Variants in METTL15 observed in about 807,000 individuals in gnomAD.
METTL15 encodes 12S rRNA N(4)-cytidine methyltransferase METTL15.
Under a neutral mutation model 38.3 loss-of-function variants are expected in METTL15, and 34 were observed. The ratio of observed to expected loss-of-function variants is 0.89; its 90% CI spans 0.68 to 1.18. The LOEUF is 1.18. METTL15 is among the 50% of genes most tolerant of loss of function. The probability of loss-of-function intolerance (pLI) is 0.00; values close to 1 mark genes in which losing one functional copy is unlikely to be tolerated. For synonymous variants in METTL15, 162 were observed against 170.9 expected (o/e 0.95, Z 0.41); for missense variants, 438 against 498.4 (o/e 0.88, Z 1.15).
At chr11:28,403,904 T>A (rs1410793674) in intron 5 of METTL15, among the ~76,000 whole-genome samples, 3 of 152,074 alleles carry the variant, frequency 2.0e-5, no homozygotes, top group Non-Finnish European at 4.4e-5. Context: ...TAGCTTCTTA[T>A]TCTTTTTTTA....
intron 3 of METTL15, among the ~76,000 whole-genome samples, chr11:28,122,371 G>GTATATA (rs371299481): frequency 1.3e-5 from 1 of 77,652 alleles, no homozygotes; most frequent in Non-Finnish European, 2.4e-5. Context: ...GTGTGTGTGT[G>GTATATA]TATATATATA....
intron 5 of METTL15, among the ~76,000 whole-genome samples, chr11:28,377,116 G>A (rs952662061): frequency 7.0e-6 from 1 of 143,318 alleles, no homozygotes; most frequent in Non-Finnish European, 1.5e-5. Flanking sequence ...TTCAACTTTG[G>A]TGAATCTGAC....
intron 6 of METTL15, among the ~76,000 whole-genome samples, chr11:28,471,973 A>G (rs1416537000): frequency 6.6e-6 from 1 of 152,162 alleles, no homozygotes; most frequent in African/African-American, 2.4e-5. Context: ...CAGGAGAGGC[A>G]GATCAAATCT....
rs1487617251 is a variant in METTL15, at chr11:28,330,619, T to A, written c.1002T>A (p.Leu334=). Residue 334 remains leucine (L), a synonymous_variant, in exon 7 of 7, where the codon CTT becomes CTA. Transcript: ENST00000407364. ...ATCGCATCGTCAAAAGATTTTTGCT[T>A]GGAATAAGCATGACAGAAAGATTTA... ...LEDRIVKRFL[L]GISMTERFNL... is the part of the protein sequence containing the mutation. The A allele has an allele frequency of 6.4e-7, 1 of 1,551,436 alleles. No individual in the cohort carries two copies.
rs546113018 is a variant in METTL15, at chr11:28,224,490, C to T, written c.407+13292C>T. Among the ~76,000 whole-genome samples the T allele has an allele frequency of 4.1e-4, 62 of 151,906 alleles. 1 individual carries two copies. In the South Asian group the frequency reaches 6.6e-3, roughly 16 times the overall value. On this transcript the variant is annotated intron_variant, in intron 4 of 6. Transcript: ENST00000407364. ...AAATAATTCATAGAACTAACACCAA[C>T]GTAAACAGGTTGGAATATTTCCTTC...
chr11:28,506,194 TC>T (rs1851626203), intron 6 of METTL15, among the ~76,000 whole-genome samples: 1 of 152,226 alleles, frequency 6.6e-6, no homozygotes, highest in African/African-American at 2.4e-5. Flanking sequence ...AGGGTCTCTC[TC>T]CCTGGGAGGC....
chr11:28,232,376 G>T (rs972657989), intron 4 of METTL15, among the ~76,000 whole-genome samples: 2 of 151,694 alleles, frequency 1.3e-5, no homozygotes, highest in African/African-American at 2.4e-5. Flanking sequence ...AAGATGCTTA[G>T]ATACTCTATA....
intron 6 of METTL15, among the ~76,000 whole-genome samples, chr11:28,505,016 G>C (rs987691354): frequency 6.6e-6 from 1 of 152,134 alleles, no homozygotes; most frequent in Non-Finnish European, 1.5e-5. Flanking sequence ...CTGAACAACT[G>C]GTAGGGCCAT....
chr11:28,405,661 A>G (rs1167312794), intron 5 of METTL15, among the ~76,000 whole-genome samples: 4 of 152,176 alleles, frequency 2.6e-5, no homozygotes, highest in East Asian at 3.9e-4. Flanking sequence ...CTCTAAAATC[A>G]CTATACCTCA....
intron 4 of METTL15, among the ~76,000 whole-genome samples, chr11:28,233,255 T>C (rs1471900277): frequency 2.0e-5 from 3 of 152,050 alleles, no homozygotes; most frequent in Non-Finnish European, 4.4e-5. Flanking sequence ...ATAACATAGA[T>C]AATAATTAAA....
intron 6 of METTL15, among the ~76,000 whole-genome samples, chr11:28,305,008 T>C (rs1008773828): frequency 4.6e-5 from 7 of 152,224 alleles, no homozygotes; most frequent in Non-Finnish European, 2.9e-5. Flanking sequence ...TCATTGCCAC[T>C]GCTATGAAAA....
intron 3 of METTL15, among the ~76,000 whole-genome samples, chr11:28,179,068 C>T (rs1440424311): frequency 1.3e-5 from 2 of 151,688 alleles, no homozygotes; most frequent in African/African-American, 4.8e-5. Context: ...TTTCCCCTCT[C>T]TGATTTAAAT....
At chr11:28,361,217 TC>T (rs575981446) in intron 4 of METTL15, among the ~76,000 whole-genome samples, 3,819 of 149,354 alleles carry the variant, frequency 0.026, 140 homozygotes, top group African/African-American at 0.089. Flanking sequence ...TAGTTCTAGA[TC>T]CCTGAGGAAT....
rs957238472 is a variant in METTL15 at position 28,122,200 on chromosome 11, A to T, written c.270+8596A>T. On this transcript the variant is annotated intron_variant, in intron 3 of 6. Coordinates refer to ENST00000407364, the MANE Select transcript of METTL15 (RefSeq NM_001113528.2). The stretch of plus-strand genomic sequence containing the variant: ...CTACAGGTAAATTTAACATTTTTTT[A>T]AAATGAGAATGTTTATGGATTATAT... 6.2e-5 allele frequency: 78 copies of T among 1,254,098 alleles called. No homozygotes were observed. In the East Asian group the frequency reaches 3.0e-3, roughly 48 times the overall value. 77.7% of individuals were successfully genotyped at this position (1,254,098 alleles called of 1,614,324 possible).
chr11:28,435,213 G>A (rs1266409953), intron 6 of METTL15, among the ~76,000 whole-genome samples: 2 of 152,180 alleles, frequency 1.3e-5, no homozygotes, highest in Non-Finnish European at 2.9e-5. Context: ...CCAGGGCATT[G>A]TGATCTACAT....
chr11:28,257,644 T>C (rs1855027113), intron 4 of METTL15, among the ~76,000 whole-genome samples: 1 of 152,150 alleles, frequency 6.6e-6, no homozygotes, highest in African/African-American at 2.4e-5. Context: ...ACTAATTCTT[T>C]CTTCTGCTTG....
At chr11:28,436,029 G>A (rs117971403) in intron 6 of METTL15, among the ~76,000 whole-genome samples, 2,306 of 151,778 alleles carry the variant, frequency 0.015, 26 homozygotes, top group Middle Eastern at 0.027. Context: ...CTTTCTTGTA[G>A]CAGTGTATCA....
At chr11:28,389,696 G>C (rs1009109870) in intron 5 of METTL15, among the ~76,000 whole-genome samples, 1 of 151,698 alleles carries the variant, frequency 6.6e-6, no homozygotes, top group African/African-American at 2.4e-5. Flanking sequence ...AAACATACGT[G>C]TGCATGTGTC....
chr11:28,145,229 G>T (rs1324771462), intron 3 of METTL15: 2 of 152,382 alleles, frequency 1.3e-5, no homozygotes, highest in Non-Finnish European at 2.9e-5. Context: ...AAAATCCATG[G>T]CCCCAAATGG....
Sources: allele counts gnomAD v4.1 joint callset (sites outside exome capture counted in the v4.1 genomes callset), GRCh38; gene constraint gnomAD v4.1.1; transcripts MANE v1.5; gene names NCBI Gene and HGNC (gene_info 2026-07-23, HGNC 2026-07-21).